The following WWOX variants were observed in gnomAD, a reference collection of about 807,000 sequenced individuals.
The protein encoded by WWOX is WW domain containing oxidoreductase, also known as WW domain-containing oxidoreductase.
A neutral mutation model predicts 46.2 loss-of-function variants in WWOX; 69 were observed. The observed-to-expected ratio is 1.49, with a 90% confidence interval of 1.23 to 1.82. The LOEUF (loss-of-function observed/expected upper bound fraction) is 1.82. Ranked by LOEUF, WWOX falls within the 40% of genes most tolerant of loss-of-function variation. The pLI is 0.00. For missense variants in WWOX, 919 were observed against 542.6 expected, an observed-to-expected ratio of 1.69 and a Z score of -6.89; for synonymous variants, 359 against 202.6, an observed-to-expected ratio of 1.77 and a Z score of -6.56.
At chr16:78,989,828 G>GTGTGTC (rs1192291112) in intron 8 of WWOX, among the ~76,000 whole-genome samples, 8 of 40,660 alleles carry the variant, frequency 2.0e-4, no homozygotes, top group Non-Finnish European at 3.1e-4. Flanking sequence ...GAGCGTGTGT[G>GTGTGTC]TGTGTGTGTG....
chr16:78,812,646 A>G (rs2051220413), intron 8 of WWOX, among the ~76,000 whole-genome samples: 2 of 151,922 alleles, frequency 1.3e-5, no homozygotes, highest in Admixed American at 1.3e-4. Flanking sequence ...GAATCACTTG[A>G]ACCCAGGAGG....
chr16:78,641,306 A>G (rs901503823), intron 8 of WWOX, among the ~76,000 whole-genome samples: 9 of 152,198 alleles, frequency 5.9e-5, no homozygotes, highest in Admixed American at 2.6e-4. Context: ...AAATATGACA[A>G]TAGGACCCAT....
chr16:78,764,272 G>C (rs1004170770), intron 8 of WWOX, among the ~76,000 whole-genome samples: 5 of 151,698 alleles, frequency 3.3e-5, no homozygotes, highest in African/African-American at 1.2e-4. Context: ...ATTTCTCCGT[G>C]GGGAGGAGCT....
intron 6 of WWOX, among the ~76,000 whole-genome samples, chr16:78,408,339 A>C (rs1597184010): frequency 6.6e-6 from 1 of 151,952 alleles, no homozygotes; most frequent in African/African-American, 2.4e-5. Context: ...ATTAGCATGT[A>C]CCCTCCATTC....
intron 6 of WWOX, among the ~76,000 whole-genome samples, chr16:78,417,654 C>G (rs1475812694): frequency 6.6e-6 from 1 of 152,192 alleles, no homozygotes; most frequent in Non-Finnish European, 1.5e-5. Flanking sequence ...GTGGTCCTGT[C>G]TTACTACAAT....
At chr16:79,056,947 G>A (rs887535360) in intron 8 of WWOX, among the ~76,000 whole-genome samples, 1 of 152,208 alleles carries the variant, frequency 6.6e-6, no homozygotes, top group Non-Finnish European at 1.5e-5. Flanking sequence ...TGTGTTTATA[G>A]GGACAGGATA....
intron 8 of WWOX, among the ~76,000 whole-genome samples, chr16:78,770,670 C>G (rs1439419801): frequency 6.6e-6 from 1 of 151,552 alleles, no homozygotes; most frequent in East Asian, 2.0e-4. Context: ...CTCCCCCCCT[C>G]CCCGAAGTGA....
chr16:78,409,807 C>T (rs1027419829), intron 6 of WWOX, among the ~76,000 whole-genome samples: 1 of 152,200 alleles, frequency 6.6e-6, no homozygotes, highest in Non-Finnish European at 1.5e-5. Flanking sequence ...ATCTTCAAAA[C>T]CAGCACTGTT....
chr16:79,064,236 T>C (rs910364913), intron 8 of WWOX, among the ~76,000 whole-genome samples: 2 of 152,206 alleles, frequency 1.3e-5, no homozygotes, highest in African/African-American at 4.8e-5. Context: ...AGTGTTGTAA[T>C]ACAAGGCAAA....
chr16:78,170,054 C>A (rs1454697833), intron 5 of WWOX, among the ~76,000 whole-genome samples: 1 of 152,112 alleles, frequency 6.6e-6, no homozygotes, highest in East Asian at 1.9e-4. Context: ...CTATTTGACT[C>A]ACCCCTGACT....
intron 8 of WWOX, among the ~76,000 whole-genome samples, chr16:79,173,670 T>C (rs1260002148): frequency 2.0e-5 from 3 of 151,570 alleles, no homozygotes; most frequent in Admixed American, 6.6e-5. Flanking sequence ...AGTGAAACCT[T>C]AGAATCAACC....
chr16:78,997,796 G>C (rs533057336), intron 8 of WWOX, among the ~76,000 whole-genome samples: 1 of 152,264 alleles, frequency 6.6e-6, no homozygotes, highest in Admixed American at 6.5e-5. Flanking sequence ...GATGGGGACC[G>C]GAATAGATTT....
chr16:79,031,766 A>G (rs977558601), intron 8 of WWOX, among the ~76,000 whole-genome samples: 2 of 144,766 alleles, frequency 1.4e-5, no homozygotes, highest in African/African-American at 2.5e-5. Context: ...ATATATATAT[A>G]TAATATATAG....
At chr16:78,906,535 AG>A (rs2044969519) in intron 8 of WWOX, among the ~76,000 whole-genome samples, 1 of 152,148 alleles carries the variant, frequency 6.6e-6, no homozygotes, top group South Asian at 2.1e-4. Flanking sequence ...ATTGCAGGGT[AG>A]TCCACGGCTT....
At chr16:78,605,534 C>A (rs955375412) in intron 8 of WWOX, among the ~76,000 whole-genome samples, 1 of 151,980 alleles carries the variant, frequency 6.6e-6, no homozygotes, top group Admixed American at 6.5e-5. Flanking sequence ...ATTGTGCTAA[C>A]TGAAGAATGG....
chr16:78,530,607 G>T (rs1040611795), intron 8 of WWOX, among the ~76,000 whole-genome samples: 4 of 152,132 alleles, frequency 2.6e-5, no homozygotes, highest in African/African-American at 9.7e-5. Context: ...GCCATGGGTG[G>T]TTGTGGAAAA....
chr16:79,035,659 CT>C (rs2047852020), intron 8 of WWOX, among the ~76,000 whole-genome samples: 1 of 152,204 alleles, frequency 6.6e-6, no homozygotes. Context: ...CTGCCTCAGC[CT>C]CCCAAGTAGC....
intron 8 of WWOX, among the ~76,000 whole-genome samples, chr16:79,062,609 T>C (rs939751632): frequency 6.6e-6 from 1 of 152,118 alleles, no homozygotes; most frequent in African/African-American, 2.4e-5. Context: ...TTCAAATTAG[T>C]TTAATGAATG....
chr16:79,014,626 A>T (rs1862841), intron 8 of WWOX, among the ~76,000 whole-genome samples: 61,479 of 151,968 alleles, frequency 0.4, 12,909 homozygotes, highest in African/African-American at 0.49. Context: ...CTCAGTGCCT[A>T]AGACTTTGAA....
Sources: allele counts gnomAD v4.1 joint callset (sites outside exome capture counted in the v4.1 genomes callset), GRCh38; gene constraint gnomAD v4.1.1; transcripts MANE v1.5; gene names NCBI Gene and HGNC (gene_info 2026-07-23, HGNC 2026-07-21).